The following DIAPH2 variants were observed in gnomAD, a reference collection of about 807,000 sequenced individuals.
DIAPH2 encodes the protein diaphanous related formin 2.
Under a neutral mutation model 92.7 loss-of-function variants are expected in DIAPH2, and 35 were observed. The ratio of observed to expected loss-of-function variants is 0.38; its 90% CI spans 0.29 to 0.50. DIAPH2 has a LOEUF of 0.50. Among genes scored for constraint, DIAPH2 ranks in the 20% least tolerant of loss-of-function variants. The pLI is 0.94. For synonymous variants in DIAPH2, 301 were observed against 280.4 expected, an observed-to-expected ratio of 1.07 and a Z score of -0.73; for missense variants, 701 against 819.5, an observed-to-expected ratio of 0.86 and a Z score of 1.77.
At chrX:97,013,368 C>G (rs186835415) in intron 17 of DIAPH2, among the ~76,000 whole-genome samples, 2 of 112,073 alleles carry the variant, frequency 1.8e-5, no homozygotes, top group African/African-American at 3.2e-5. Flanking sequence ...CTGTCCACCC[C>G]CTTTTCTCCA....
In DIAPH2 at chrX:97,011,800, G is replaced by A. The variant is rs144935217; in HGVS notation, c.2050+46593G>A. 7.6e-3 allele frequency among the ~76,000 whole-genome samples: 779 copies of A among 102,682 alleles called. 17 individuals are homozygous for A. In the East Asian group the frequency reaches 0.13, roughly 17 times the overall value. 89.2% of individuals were successfully genotyped at this position (102,682 alleles called of 115,157 possible). ...CCAGCTACTTGGGAGGCTGAGGCAC[G>A]AGAATCGCTGGACCCTGGGAGGTGG... On this transcript the variant is annotated intron_variant, in intron 17 of 26. Coordinates refer to ENST00000324765, the MANE Select transcript of DIAPH2 (RefSeq NM_006729.5).
chrX:97,111,770 G>A (rs1325076863), intron 20 of DIAPH2, among the ~76,000 whole-genome samples: 12 of 111,708 alleles, frequency 1.1e-4, no homozygotes, highest in Admixed American at 1.0e-3. Context: ...GTGGGGTAGC[G>A]GTTGAGAGTC....
chrX:96,727,688 T>C (rs985429875), intron 1 of DIAPH2, among the ~76,000 whole-genome samples: 1 of 111,969 alleles, frequency 8.9e-6, no homozygotes, highest in African/African-American at 3.2e-5. Flanking sequence ...GCAGATATTA[T>C]GTGCCAGCTA....
chrX:96,951,000 C>T (rs776480514), intron 15 of DIAPH2, among the ~76,000 whole-genome samples: 1 of 111,653 alleles, frequency 9.0e-6, no homozygotes, highest in Non-Finnish European at 1.9e-5. Flanking sequence ...TTCCATAGTC[C>T]AATAAATTGA....
intron 23 of DIAPH2, among the ~76,000 whole-genome samples, chrX:97,344,965 G>C (rs1427662944): frequency 4.5e-5 from 5 of 112,074 alleles, no homozygotes. Context: ...TCTGCCTAGC[G>C]AGTCCCTGGA....
intron 23 of DIAPH2, among the ~76,000 whole-genome samples, chrX:97,258,870 C>CAAAAAAAAA (rs141981932): frequency 1.0e-4 from 4 of 39,073 alleles, no homozygotes; most frequent in Non-Finnish European, 1.7e-4. Flanking sequence ...GACTCCGTCT[C>CAAAAAAAAA]AAAAAAAAAA....
intron 1 of DIAPH2, chrX:96,701,527 T>G (rs2063855146): frequency 9.1e-6 from 1 of 109,329 alleles, no homozygotes; most frequent in Non-Finnish European, 1.9e-5. Context: ...TCGAGTGCAG[T>G]AGTGAGAAGT....
chrX:96,879,468 T>C (rs1044558206), intron 4 of DIAPH2, among the ~76,000 whole-genome samples: 1 of 111,795 alleles, frequency 8.9e-6, no homozygotes, highest in African/African-American at 3.3e-5. Flanking sequence ...TTTTAATTCG[T>C]TTTACTAGTA....
At chrX:97,146,924 G>C (rs956223073) in intron 22 of DIAPH2, among the ~76,000 whole-genome samples, 1 of 111,697 alleles carries the variant, frequency 9.0e-6, no homozygotes, top group African/African-American at 3.2e-5. Flanking sequence ...TCTTCCATTA[G>C]GGGTACTTTG....
chrX:96,862,762 A>G (rs969073092), intron 4 of DIAPH2, among the ~76,000 whole-genome samples: 1 of 112,043 alleles, frequency 8.9e-6, no homozygotes, highest in Admixed American at 9.5e-5. Context: ...CACTACAACC[A>G]GTCAGAGTTC....
rs768079843 is a variant in DIAPH2 at position 96,991,777 on chromosome X, A to G, written c.2050+26570A>G. Among the ~76,000 whole-genome samples, 3 of 110,494 alleles carry G rather than the reference A, an allele frequency of 2.7e-5. No individual in the cohort carries two copies. In the South Asian group the frequency reaches 1.2e-3, roughly 43 times the overall value. On this transcript the variant is annotated intron_variant, in intron 17 of 26. Transcript: ENST00000324765. ...CCCCATTTCCATAATGGATGACTGG[A>G]AAAACCAGGTTGCTGTATATATGTG...
At chrX:97,008,925 A>G (rs890705939) in intron 17 of DIAPH2, among the ~76,000 whole-genome samples, 3 of 111,135 alleles carry the variant, frequency 2.7e-5, no homozygotes, top group African/African-American at 9.8e-5. Flanking sequence ...AAACACTGCC[A>G]GGCTATTGCC....
At chrX:97,545,239 T>C (rs1232400041) in intron 26 of DIAPH2, among the ~76,000 whole-genome samples, 3 of 111,162 alleles carry the variant, frequency 2.7e-5, no homozygotes, top group African/African-American at 9.8e-5. Context: ...CACACACTGC[T>C]ACCTCAAATC....
chrX:97,579,040 T>C (rs951088461), intron 26 of DIAPH2, among the ~76,000 whole-genome samples: 2 of 103,220 alleles, frequency 1.9e-5, no homozygotes, highest in African/African-American at 7.0e-5. Flanking sequence ...CTTGTAAATT[T>C]GTTTGAGTTC....
chrX:97,290,416 G>A, intron 23 of DIAPH2, among the ~76,000 whole-genome samples: 1 of 111,766 alleles, frequency 8.9e-6, no homozygotes, highest in East Asian at 2.8e-4. Flanking sequence ...CACATTCTGA[G>A]GGACTTTGGA....
intron 19 of DIAPH2, among the ~76,000 whole-genome samples, chrX:97,091,737 T>G (rs2066826993): frequency 8.9e-6 from 1 of 112,029 alleles, no homozygotes; most frequent in Non-Finnish European, 1.9e-5. Context: ...GGTTCAGTTG[T>G]TAACTGAGCT....
At position 97,304,612 on chromosome X, in the gene DIAPH2, G is replaced by A. The variant is rs139331386; in HGVS notation, c.2845-43504G>A. 4.3e-3 allele frequency among the ~76,000 whole-genome samples: 486 copies of A among 112,248 alleles called. 3 individuals are homozygous for A. Among genetic ancestry groups the A allele is most frequent in the African/African-American group, 0.014 (420 of 31,021 alleles). On this transcript the variant is annotated intron_variant, in intron 23 of 26. Transcript: ENST00000324765. Reference sequence around the variant, plus strand: ...AAGTACTTGTACATATCTCTGTGATGGTGTTCATCTCACGATGTTTGATTC... The same window carrying A: ...AAGTACTTGTACATATCTCTGTGATAGTGTTCATCTCACGATGTTTGATTC...
intron 26 of DIAPH2, chrX:97,449,729 A>G (rs917265755): frequency 3.6e-5 from 25 of 700,088 alleles, no homozygotes; most frequent in Middle Eastern, 1.7e-3. Context: ...CCAAAGGGAC[A>G]AAGAGTGGGG....
chrX:96,944,203 C>T (rs1214684960), intron 13 of DIAPH2, among the ~76,000 whole-genome samples: 2 of 111,618 alleles, frequency 1.8e-5, no homozygotes, highest in Non-Finnish European at 3.8e-5. Flanking sequence ...TATCAGATCT[C>T]TGCCTGAAAC....
Sources: allele counts gnomAD v4.1 joint callset (sites outside exome capture counted in the v4.1 genomes callset), GRCh38; gene constraint gnomAD v4.1.1; transcripts MANE v1.5; gene names NCBI Gene and HGNC (gene_info 2026-07-23, HGNC 2026-07-21).